Variants in MTX2 observed in about 807,000 individuals in gnomAD.
MTX2 encodes metaxin-2.
MTX2 carries 35 observed loss-of-function variants against 42.3 expected under a neutral mutation model. That is an observed-to-expected ratio of 0.83 (90% confidence interval 0.63 to 1.10). The LOEUF (loss-of-function observed/expected upper bound fraction) is 1.10, where lower values mean the gene tolerates loss of function less well. MTX2 is among the 50% of genes least tolerant of loss of function. MTX2 has a pLI of 0.00. For synonymous variants in MTX2, 119 were observed against 100.9 expected, an observed-to-expected ratio of 1.18 and a Z score of -1.08; for missense variants, 307 against 304.1, an observed-to-expected ratio of 1.01 and a Z score of -0.07.
intron 1 of MTX2, among the ~76,000 whole-genome samples, chr2:176,271,442 CAAGT>C (rs1360750940): frequency 1.3e-5 from 2 of 152,088 alleles, no homozygotes; most frequent in East Asian, 3.8e-4. Flanking sequence ...AAAGACATCT[CAAGT>C]TAGTACAAAT....
intron 3 of MTX2, among the ~76,000 whole-genome samples, chr2:176,298,644 G>A (rs2105415235): frequency 6.6e-6 from 1 of 152,232 alleles, no homozygotes; most frequent in South Asian, 2.1e-4. Flanking sequence ...ATAGGACTGA[G>A]CATGTAGACT....
chr2:176,314,179 C>A (rs1230617074), intron 3 of MTX2, among the ~76,000 whole-genome samples: 2 of 152,088 alleles, frequency 1.3e-5, no homozygotes, highest in East Asian at 3.9e-4. Context: ...ACTCACGCCT[C>A]TAATCCCAGC....
chr2:176,290,057 A>C (rs1440796296), intron 1 of MTX2, among the ~76,000 whole-genome samples: 1 of 152,154 alleles, frequency 6.6e-6, no homozygotes, highest in African/African-American at 2.4e-5. Context: ...TATGGACAGT[A>C]TAGATAAAGG....
At position 176,269,809 on chromosome 2, in the gene MTX2, C is replaced by G. The variant is rs969205246; in HGVS notation, c.40+140C>G. On this transcript the variant is annotated intron_variant, in intron 1 of 9. Coordinates refer to ENST00000249442, the MANE Select transcript of MTX2 (RefSeq NM_006554.5). ...GGATGGTGGAGGCGGGCACGGACTACCAACCTTATCTCACATATGGGAAAA... is the reference window on the plus strand; with the variant it reads ...GGATGGTGGAGGCGGGCACGGACTAGCAACCTTATCTCACATATGGGAAAA... 3 of 1,037,616 alleles carry G rather than the reference C, an allele frequency of 2.9e-6. No individual in the cohort carries two copies. In the South Asian group the frequency reaches 5.1e-5, roughly 18 times the overall value. The allele number at this position is 1,037,616 out of a possible 1,614,324, so 64.3% of individuals were successfully genotyped here. A position where few individuals can be genotyped will look rare whatever the true frequency, so the allele number is the denominator to read the frequency against.
intron 1 of MTX2, among the ~76,000 whole-genome samples, chr2:176,282,901 A>G (rs192970186): frequency 1.3e-5 from 2 of 151,972 alleles, no homozygotes; most frequent in Non-Finnish European, 2.9e-5. Flanking sequence ...ACAGGGTTTC[A>G]CCATGTTGGT....
rs869158492 is a variant in MTX2 at position 176,282,697 on chromosome 2, CT to C, written c.40+13040del. 6.5e-3 allele frequency among the ~76,000 whole-genome samples: 936 copies of C among 143,596 alleles called. 3 individuals carry two copies. The highest frequency in any genetic ancestry group is 0.02 in the African/African-American group (811 of 39,890). 94.2% of individuals were successfully genotyped at this position (143,596 alleles called of 152,430 possible). ...CTTTATAGGGTACTTAGTTTATCTA[CT>C]TTTTTTTTTTTGTTTTTTTTTTTGA... On this transcript the variant is annotated intron_variant, in intron 1 of 9. Transcript: ENST00000249442.
intron 2 of MTX2, among the ~76,000 whole-genome samples, chr2:176,297,165 G>T (rs1683907911): frequency 6.6e-6 from 1 of 152,144 alleles, no homozygotes; most frequent in African/African-American, 2.4e-5. Flanking sequence ...GGTTGCAGGA[G>T]CAGTTGGCAG....
intron 3 of MTX2, among the ~76,000 whole-genome samples, chr2:176,310,945 G>A (rs563245800): frequency 1.3e-5 from 2 of 152,284 alleles, no homozygotes; most frequent in African/African-American, 4.8e-5. Context: ...TCCATTGCTG[G>A]CGAGGAGCTG....
chr2:176,320,327 TATTA>T (rs778433132), intron 3 of MTX2, among the ~76,000 whole-genome samples: 29 of 152,186 alleles, frequency 1.9e-4, no homozygotes, highest in Non-Finnish European at 3.1e-4. Flanking sequence ...CATTTTGGAA[TATTA>T]ATTAGCATAG....
chr2:176,298,373 C>T (rs912241125), intron 3 of MTX2, among the ~76,000 whole-genome samples: 1 of 152,142 alleles, frequency 6.6e-6, no homozygotes, highest in South Asian at 2.1e-4. Flanking sequence ...CTAGCCACTC[C>T]TCATATATTT....
At chr2:176,299,574 G>A (rs995061831) in intron 3 of MTX2, among the ~76,000 whole-genome samples, 1 of 151,972 alleles carries the variant, frequency 6.6e-6, no homozygotes, top group South Asian at 2.1e-4. Context: ...ATGTCACTTC[G>A]ATGATAAATT....
chr2:176,321,568 C>T (rs1315484020), intron 3 of MTX2, among the ~76,000 whole-genome samples: 1 of 152,132 alleles, frequency 6.6e-6, no homozygotes, highest in Non-Finnish European at 1.5e-5. Flanking sequence ...GGCCCCTTTA[C>T]TCTTGTTGCT....
At chr2:176,308,939 G>A (rs1684223230) in intron 3 of MTX2, among the ~76,000 whole-genome samples, 1 of 152,080 alleles carries the variant, frequency 6.6e-6, no homozygotes, top group Non-Finnish European at 1.5e-5. Context: ...GCTAGCTTTT[G>A]AATTTGTTTG....
chr2:176,322,318 T>G (rs1575058243), intron 3 of MTX2, among the ~76,000 whole-genome samples: 1 of 152,150 alleles, frequency 6.6e-6, no homozygotes, highest in African/African-American at 2.4e-5. Flanking sequence ...CTATGAGAAA[T>G]CTCTGTTGAG....
At chr2:176,306,209 G>C (rs886230686) in intron 3 of MTX2, among the ~76,000 whole-genome samples, 4 of 152,094 alleles carry the variant, frequency 2.6e-5, no homozygotes, top group African/African-American at 9.7e-5. Context: ...ATGGTTTCCA[G>C]CTTCATCCAT....
intron 1 of MTX2, among the ~76,000 whole-genome samples, chr2:176,273,272 T>C (rs1415333630): frequency 6.6e-6 from 1 of 152,232 alleles, no homozygotes; most frequent in African/African-American, 2.4e-5. Context: ...GAAGGGGATA[T>C]TCAGACTATA....
intron 3 of MTX2, among the ~76,000 whole-genome samples, chr2:176,301,386 C>T (rs1040128539): frequency 1.3e-5 from 2 of 152,152 alleles, no homozygotes; most frequent in African/African-American, 2.4e-5. Context: ...GCCACCTGTG[C>T]TTGTCACTGT....
intron 1 of MTX2, among the ~76,000 whole-genome samples, chr2:176,292,712 G>A (rs1405219240): frequency 1.3e-5 from 2 of 152,136 alleles, no homozygotes; most frequent in African/African-American, 2.4e-5. Context: ...GGCATTCCTA[G>A]GGAATAACAA....
chr2:176,311,870 G>T (rs1040391754), intron 3 of MTX2, among the ~76,000 whole-genome samples: 1 of 152,180 alleles, frequency 6.6e-6, no homozygotes, highest in Admixed American at 6.5e-5. Flanking sequence ...GTGAGGCAGT[G>T]CCCCACCCTG....
Sources: allele counts gnomAD v4.1 joint callset (sites outside exome capture counted in the v4.1 genomes callset), GRCh38; gene constraint gnomAD v4.1.1; transcripts MANE v1.5; gene names NCBI Gene and HGNC (gene_info 2026-07-23, HGNC 2026-07-21).